Variants in CSGALNACT1 observed in about 807,000 individuals in gnomAD.
The protein encoded by CSGALNACT1 is chondroitin sulfate N-acetylgalactosaminyltransferase 1, also known as beta4GalNAcT-1.
In CSGALNACT1, 52 loss-of-function variants were observed where a neutral mutation model predicts 51.0. The observed-to-expected ratio is 1.02, with a 90% confidence interval of 0.82 to 1.29. CSGALNACT1 has a LOEUF of 1.29. Among genes scored for constraint, CSGALNACT1 ranks in the 50% most tolerant of loss-of-function variants. The probability of loss-of-function intolerance (pLI) is 0.00; values close to 1 mark genes in which losing one functional copy is unlikely to be tolerated. For synonymous variants in CSGALNACT1, 341 were observed against 254.4 expected (o/e 1.34, Z -3.24); for missense variants, 935 against 679.2 (o/e 1.38, Z -4.19).
chr8:19,712,846 C>T (rs2062590895), intron 1 of CSGALNACT1, among the ~76,000 whole-genome samples: 1 of 152,158 alleles, frequency 6.6e-6, no homozygotes, highest in South Asian at 2.1e-4. Flanking sequence ...GAGGGCCAAG[C>T]TTGGCAAGAA....
chr8:19,604,876 C>T (rs1229711531), upstream of CSGALNACT1, among the ~76,000 whole-genome samples: 2 of 146,964 alleles, frequency 1.4e-5, no homozygotes, highest in African/African-American at 2.5e-5. Context: ...GATCGCGCCA[C>T]TGCCCTCCAG....
At chr8:19,405,856 C>T (rs1420961827) in exon 10 of CSGALNACT1, 1 of 1,614,146 alleles carries the variant, frequency 6.2e-7, no homozygotes, top group South Asian at 1.1e-5. Context: ...CACCAGCATG[C>T]CCAGCTGGCC....
At chr8:19,461,278 G>A (rs1160723237) in intron 4 of CSGALNACT1, among the ~76,000 whole-genome samples, 1 of 152,206 alleles carries the variant, frequency 6.6e-6, no homozygotes, top group Non-Finnish European at 1.5e-5. Flanking sequence ...CATTCCTTCA[G>A]GAATGTAGTG....
At chr8:19,679,881 T>A (rs2060471174) in intron 1 of CSGALNACT1, among the ~76,000 whole-genome samples, 1 of 152,104 alleles carries the variant, frequency 6.6e-6, no homozygotes, top group Admixed American at 6.6e-5. Context: ...CCTATAAAAG[T>A]GAGGAATGTG....
At chr8:19,432,251 A>G (rs75792910) in intron 6 of CSGALNACT1, among the ~76,000 whole-genome samples, 2,248 of 152,252 alleles carry the variant, frequency 0.015, 51 homozygotes, top group African/African-American at 0.051. Context: ...ATTAGTTGAA[A>G]TCTTTTTCTC....
At chr8:19,666,809 A>AAGAAAGAAAGAAAGAAAGAGAGAG (rs1564383214) in intron 1 of CSGALNACT1, among the ~76,000 whole-genome samples, 1 of 25,062 alleles carries the variant, frequency 4.0e-5, no homozygotes, top group African/African-American at 2.5e-4. Context: ...GAAAGAAAGA[A>AAGAAAGAAAGAAAGAAAGAGAGAG]AGAGAGAGAG....
At position 19,480,010 on chromosome 8, in the gene CSGALNACT1, C is replaced by T. The variant is rs1395799024; in HGVS notation, c.635-21368G>A. On this transcript the variant is annotated intron_variant, in intron 4 of 9. Transcript: ENST00000454498. Reference sequence around the variant, plus strand: ...AAATAACTGTTCTCAACATGGTAAGCTTATTTTCTTTTGTTTGAATTACAA... The same window carrying T: ...AAATAACTGTTCTCAACATGGTAAGTTTATTTTCTTTTGTTTGAATTACAA... 2.6e-5 allele frequency among the ~76,000 whole-genome samples: 4 copies of T among 152,204 alleles called. No homozygotes were observed. The South Asian group carries it at 6.2e-4, about 24-fold the overall frequency.
chr8:19,420,395 C>T, exon 7 of CSGALNACT1: 2 of 1,614,124 alleles, frequency 1.2e-6, no homozygotes, highest in East Asian at 2.2e-5. Flanking sequence ...AGTAGATGTC[C>T]ACATCACAGA....
intron 3 of CSGALNACT1, among the ~76,000 whole-genome samples, chr8:19,556,646 G>A (rs2039507079): frequency 6.6e-6 from 1 of 152,074 alleles, no homozygotes; most frequent in South Asian, 2.1e-4. Flanking sequence ...CTGTATGCAA[G>A]CTTCTATCTG....
chr8:19,439,914 T>A (rs1224377786), exon 6 of CSGALNACT1: 61 of 1,614,110 alleles, frequency 3.8e-5, no homozygotes, highest in Non-Finnish European at 5.1e-5. Context: ...TCTCCCATCC[T>A]GCTCAATGCA....
chr8:19,508,617 T>C (rs1261387554), intron 3 of CSGALNACT1, among the ~76,000 whole-genome samples: 1 of 152,214 alleles, frequency 6.6e-6, no homozygotes, highest in Non-Finnish European at 1.5e-5. Context: ...AAATTACCAG[T>C]GAAGACATGT....
At chr8:19,576,036 G>A (rs2044128033) in intron 3 of CSGALNACT1, among the ~76,000 whole-genome samples, 1 of 152,134 alleles carries the variant, frequency 6.6e-6, no homozygotes, top group Non-Finnish European at 1.5e-5. Flanking sequence ...GACAGGAAGA[G>A]GTAGGTGGGC....
At position 19,513,081 on chromosome 8, in the gene CSGALNACT1, T is replaced by C. The variant is rs940640562; in HGVS notation, c.-296-6951A>G. Among the ~76,000 whole-genome samples the C allele has an allele frequency of 9.2e-5, 14 of 152,116 alleles. No individual in the cohort carries two copies. In the East Asian group the frequency reaches 2.1e-3, roughly 23 times the overall value. On this transcript the variant is annotated intron_variant, in intron 3 of 9. Coordinates refer to ENST00000454498, the Ensembl canonical transcript of CSGALNACT1. ...CTTCCTTCTCCATCATCTTCTGCCA[T>C]TGACTCATCACCATGTCAACATGCT... is the stretch of plus-strand genomic sequence containing the variant.
intron 1 of CSGALNACT1, among the ~76,000 whole-genome samples, chr8:19,747,504 C>T (rs527786979): frequency 6.6e-6 from 1 of 152,250 alleles, no homozygotes; most frequent in East Asian, 1.9e-4. Flanking sequence ...TTTTTAGTTA[C>T]TTAAGTGAAT....
chr8:19,459,243 C>T lies in CSGALNACT1; in HGVS notation c.635-601G>A, dbSNP rs1438399642. Among the ~76,000 whole-genome samples the T allele has an allele frequency of 4.0e-5, 6 of 151,826 alleles. No individual in the cohort carries two copies. In the East Asian group the frequency reaches 5.8e-4, roughly 15 times the overall value. On this transcript the variant is annotated intron_variant, in intron 4 of 9. Transcript: ENST00000454498. Reference sequence around the variant, plus strand: ...TCTACTAATACAAAAGTTAGTAGAGCGTCATGTTGTGCGCCTGTAACCCTG... The same window carrying T: ...TCTACTAATACAAAAGTTAGTAGAGTGTCATGTTGTGCGCCTGTAACCCTG...
At chr8:19,574,970 G>C (rs2043847647) in intron 3 of CSGALNACT1, among the ~76,000 whole-genome samples, 1 of 152,012 alleles carries the variant, frequency 6.6e-6, no homozygotes, top group Non-Finnish European at 1.5e-5. Context: ...TGGAAGTGGA[G>C]GTTGCAGTGA....
At chr8:19,678,665 G>C (rs1348504892) in intron 1 of CSGALNACT1, 1 of 152,156 alleles carries the variant, frequency 6.6e-6, no homozygotes, top group Non-Finnish European at 1.5e-5. Flanking sequence ...ACTAGATCCT[G>C]CAATGTAACT....
chr8:19,631,192 T>G (rs1439676292), intron 1 of CSGALNACT1, among the ~76,000 whole-genome samples: 2 of 152,186 alleles, frequency 1.3e-5, no homozygotes, highest in Non-Finnish European at 2.9e-5. Context: ...GCACCTAAGT[T>G]TTCAACTTAT....
chr8:19,421,773 ATCT>A (rs1467465375), intron 6 of CSGALNACT1, among the ~76,000 whole-genome samples: 20 of 152,280 alleles, frequency 1.3e-4, no homozygotes, highest in African/African-American at 2.9e-4. Flanking sequence ...TCCTTGACTC[ATCT>A]TCTTCTTTTG....
Sources: allele counts gnomAD v4.1 joint callset (sites outside exome capture counted in the v4.1 genomes callset), GRCh38; gene constraint gnomAD v4.1.1; transcripts MANE v1.5; gene names NCBI Gene and HGNC (gene_info 2026-07-23, HGNC 2026-07-21).